PARD3: variants seen among roughly 807,000 people sequenced by gnomAD.
The protein encoded by PARD3 is partitioning defective 3 homolog.
In PARD3, 75 loss-of-function variants were observed where a neutral mutation model predicts 155.4. That is an observed-to-expected ratio of 0.48 (90% CI 0.40 to 0.58). The LOEUF (loss-of-function observed/expected upper bound fraction) is 0.58. Among genes scored for constraint, PARD3 ranks in the 20% least tolerant of loss-of-function variants. The pLI is 0.00. For synonymous variants in PARD3, 576 were observed against 610.5 expected (o/e 0.94, Z 0.83); for missense variants, 1,642 against 1,721.7 (o/e 0.95, Z 0.82).
chr10:34,470,347 A>C (rs1367065318), intron 3 of PARD3, 84 bp from the exon 4 acceptor site: 1 of 1,039,482 alleles, frequency 9.6e-7, no homozygotes, highest in Non-Finnish European at 1.4e-6. Flanking sequence ...GAAATCCTAA[A>C]GATTAAGGAA....
intron 2 of PARD3, among the ~76,000 whole-genome samples, chr10:34,569,991 CTTTT>C (rs920362206): frequency 6.6e-6 from 1 of 151,256 alleles, no homozygotes; most frequent in Admixed American, 6.6e-5. Flanking sequence ...TATCGTAAGA[CTTTT>C]TTATTTCCCT....
At chr10:34,606,449 T>TTTTGG (rs2090445089) in intron 2 of PARD3, among the ~76,000 whole-genome samples, 1 of 151,810 alleles carries the variant, frequency 6.6e-6, no homozygotes, top group Non-Finnish European at 1.5e-5. Flanking sequence ...CAAAGATTTC[T>TTTTGG]TTTGGTTGGT....
intron 23 of PARD3, among the ~76,000 whole-genome samples, chr10:34,129,700 C>CTTTTTTTTTTTTTTTTTTTTTTTTTTT (rs1209547388): frequency 1.1e-4 from 9 of 82,980 alleles, no homozygotes; most frequent in African/African-American, 4.2e-4. Flanking sequence ...TGTCAAGCCT[C>CTTTTTTTTTTTTTTTTTTTTTTTTTTT]TTTTTTTTTT....
intron 3 of PARD3, among the ~76,000 whole-genome samples, chr10:34,512,620 C>G (rs886344395): frequency 1.3e-5 from 2 of 152,154 alleles, no homozygotes; most frequent in Admixed American, 1.3e-4. Flanking sequence ...TGCTGAGTTA[C>G]TGGGTTGGTC....
rs148122009 is a variant in PARD3 at position 34,415,541 on chromosome 10, G to C, written c.715-13624C>G. On this transcript the variant is annotated intron_variant, in intron 5 of 24. Transcript: ENST00000374788. ...TTAAATGTTACTTGAACCAACAAATGAAATGCTATCAATCAATGAATTTAT... is the reference window on the plus strand; with the variant it reads ...TTAAATGTTACTTGAACCAACAAATCAAATGCTATCAATCAATGAATTTAT... Among the ~76,000 whole-genome samples, 1,077 of 152,260 alleles carry C rather than the reference G, an allele frequency of 7.1e-3. 6 individuals carry two copies. Among genetic ancestry groups the C allele is most frequent in the Admixed American group, 0.011 (175 of 15,292 alleles).
intron 22 of PARD3, among the ~76,000 whole-genome samples, chr10:34,254,454 ATCTC>A (rs1484156474): frequency 6.6e-6 from 1 of 152,146 alleles, no homozygotes; most frequent in Non-Finnish European, 1.5e-5. Context: ...AACATCTATG[ATCTC>A]TCTTTTTGTC....
intron 1 of PARD3, among the ~76,000 whole-genome samples, chr10:34,730,456 A>G (rs188598984): frequency 6.6e-6 from 1 of 152,334 alleles, no homozygotes; most frequent in East Asian, 1.9e-4. Flanking sequence ...GGGGAAATCA[A>G]TTTTTAAAAA....
chr10:34,431,363 C>T (rs370948270), intron 5 of PARD3, among the ~76,000 whole-genome samples: 1 of 152,174 alleles, frequency 6.6e-6, no homozygotes, highest in South Asian at 2.1e-4. Flanking sequence ...AAGGAAGGCA[C>T]AGCAGTCCAC....
At chr10:34,327,701 C>T (rs998574238) in intron 19 of PARD3, among the ~76,000 whole-genome samples, 2 of 152,152 alleles carry the variant, frequency 1.3e-5, no homozygotes, top group Non-Finnish European at 2.9e-5. Context: ...CCAGGGTGCA[C>T]TGCATCCTCA....
chr10:34,252,083 AAAG>A (rs1300990238), intron 22 of PARD3, among the ~76,000 whole-genome samples: 1 of 152,190 alleles, frequency 6.6e-6, no homozygotes, highest in Non-Finnish European at 1.5e-5. Flanking sequence ...CTAGCAAGAA[AAAG>A]AAGGCAGGGA....
intron 2 of PARD3, among the ~76,000 whole-genome samples, chr10:34,584,771 G>A (rs1327892427): frequency 1.3e-5 from 2 of 151,992 alleles, no homozygotes; most frequent in Non-Finnish European, 2.9e-5. Context: ...AGCTAACTGG[G>A]CAGACAAAAA....
At chr10:34,528,841 T>C (rs1458168356) in intron 2 of PARD3, among the ~76,000 whole-genome samples, 1 of 152,076 alleles carries the variant, frequency 6.6e-6, no homozygotes, top group South Asian at 2.1e-4. Flanking sequence ...AGTCTAATAA[T>C]GAAGAAGTCA....
chr10:34,252,186 C>T (rs928432368), intron 22 of PARD3, among the ~76,000 whole-genome samples: 8 of 152,208 alleles, frequency 5.3e-5, no homozygotes, highest in South Asian at 4.1e-4. Context: ...CCAGTCACTG[C>T]GTGGTGGTGC....
In PARD3 at chr10:34,196,568, C is replaced by CTTTT. The variant is rs71523319; in HGVS notation, c.3420-64989_3420-64986dup. On this transcript the variant is annotated intron_variant, in intron 22 of 24. Transcript: ENST00000374788. Reference sequence around the variant, plus strand: ...AGTTACAAATACTTTGTACCCTTTTCTTTTTTTTTTTTTTTTTTTTTTTGA... The same window carrying CTTTT: ...AGTTACAAATACTTTGTACCCTTTTCTTTTTTTTTTTTTTTTTTTTTTTTTTTGA... Among the ~76,000 whole-genome samples the CTTTT allele has an allele frequency of 2.1e-3, 208 of 97,404 alleles. 1 individual carries two copies. The highest frequency in any genetic ancestry group is 4.9e-3 in the East Asian group (15 of 3,048). 63.9% of individuals were successfully genotyped at this position (97,404 alleles called of 152,430 possible).
chr10:34,635,713 G>A (rs1423066364), intron 2 of PARD3, among the ~76,000 whole-genome samples: 5 of 152,212 alleles, frequency 3.3e-5, no homozygotes, highest in African/African-American at 9.7e-5. Context: ...CTTAAAGGAT[G>A]ATGTAGGAAG....
At chr10:34,738,073 A>G (rs1332977878) in intron 1 of PARD3, among the ~76,000 whole-genome samples, 1 of 152,184 alleles carries the variant, frequency 6.6e-6, no homozygotes, top group Admixed American at 6.5e-5. Context: ...AATACCCTCG[A>G]ATATTTTCTA....
intron 2 of PARD3, among the ~76,000 whole-genome samples, chr10:34,545,030 T>G (rs1407504452): frequency 1.3e-5 from 2 of 152,220 alleles, no homozygotes; most frequent in African/African-American, 4.8e-5. Flanking sequence ...AAAAAGGGGT[T>G]CTGTCAAGAC....
chr10:34,357,888 G>C (rs1195944273), intron 14 of PARD3, among the ~76,000 whole-genome samples: 1 of 152,138 alleles, frequency 6.6e-6, no homozygotes, highest in African/African-American at 2.4e-5. Context: ...GAGCTCGAGA[G>C]TATATTTTCT....
intron 2 of PARD3, among the ~76,000 whole-genome samples, chr10:34,606,020 C>A (rs866439562): frequency 2.4e-4 from 23 of 95,122 alleles, no homozygotes; most frequent in African/African-American, 8.5e-4. Context: ...TCTCCTATAT[C>A]TATATCTCCT....
Sources: allele counts gnomAD v4.1 joint callset (sites outside exome capture counted in the v4.1 genomes callset), GRCh38; gene constraint gnomAD v4.1.1; transcripts MANE v1.5; gene names NCBI Gene and HGNC (gene_info 2026-07-23, HGNC 2026-07-21).